The following NLRP7 variants were observed in gnomAD, a reference collection of about 807,000 sequenced individuals.
The protein encoded by NLRP7 is NACHT, LRR and PYD domains-containing protein 7.
A neutral mutation model predicts 85.5 loss-of-function variants in NLRP7; 72 were observed. That is an observed-to-expected ratio of 0.84 (90% CI 0.70 to 1.02). The LOEUF (loss-of-function observed/expected upper bound fraction) is 1.02, where lower values mean the gene tolerates loss of function less well. Ranked by LOEUF, NLRP7 falls within the 50% of genes least tolerant of loss-of-function variation. The probability of loss-of-function intolerance (pLI) is 0.00; values close to 1 mark genes in which losing one functional copy is unlikely to be tolerated. For missense variants in NLRP7, 1,243 were observed against 1,219.5 expected (o/e 1.02, Z -0.29); for synonymous variants, 550 against 505.2 (o/e 1.09, Z -1.19).
chr19:54,931,288 G>A lies in NLRP7; in HGVS notation c.2643-622C>T, dbSNP rs140225789. On this transcript the variant is annotated intron_variant, in intron 8 of 9. Transcript: ENST00000340844. ...AAATACAAAAATCGGGCCGGGCGCG[G>A]TGGCTCAAACCTGTAATCTCAGCAC... Among the ~76,000 whole-genome samples the A allele has an allele frequency of 6.4e-4, 98 of 152,068 alleles. 1 individual carries two copies. The highest frequency in any genetic ancestry group is 5.2e-3 in the Admixed American group (79 of 15,238).
chr19:54,956,974 C>A (rs1475512469), intron 1 of NLRP7, among the ~76,000 whole-genome samples: 1 of 151,562 alleles, frequency 6.6e-6, no homozygotes, highest in Non-Finnish European at 1.5e-5. Flanking sequence ...CCCAGAAGCT[C>A]CAAGTCTCTA....
intron 1 of NLRP7, among the ~76,000 whole-genome samples, chr19:54,953,532 G>C (rs1185200503): frequency 2.0e-5 from 3 of 149,248 alleles, no homozygotes; most frequent in Admixed American, 2.0e-4. Flanking sequence ...CGGGCTGTCT[G>C]CTTGTGGATT....
chr19:54,933,391 C>T (rs887072489), intron 8 of NLRP7, among the ~76,000 whole-genome samples, 178 bp downstream of exon 8: 11 of 152,084 alleles, frequency 7.2e-5, no homozygotes, highest in South Asian at 2.1e-4. Context: ...ATGATCCACC[C>T]GCCTCGGCCT....
At chr19:54,951,189 T>G (rs1012288428), upstream of NLRP7, among the ~76,000 whole-genome samples, 1 of 152,164 alleles carries the variant, frequency 6.6e-6, no homozygotes, top group African/African-American at 2.4e-5. Context: ...TGAAGTCTCC[T>G]GTGTCTACTT....
chr19:54,954,560 C>A (rs1223841268), intron 1 of NLRP7, among the ~76,000 whole-genome samples: 2 of 144,832 alleles, frequency 1.4e-5, no homozygotes, highest in East Asian at 4.3e-4. Flanking sequence ...AAAGGGCAAC[C>A]GAGGCCGGAC....
exon 4 of NLRP7, chr19:54,940,228 G>C: frequency 1.2e-6 from 2 of 1,614,188 alleles, no homozygotes; most frequent in Non-Finnish European, 1.7e-6. Context: ...TGAGGTTGCA[G>C]TCTGTCCAGT....
intron 1 of NLRP7, among the ~76,000 whole-genome samples, chr19:54,946,908 G>A (rs2069500553): frequency 6.6e-6 from 1 of 151,700 alleles, no homozygotes; most frequent in Admixed American, 6.6e-5. Flanking sequence ...CCAAAGTGTT[G>A]GGATAACAGG....
chr19:54,933,628 T>C (rs147433838), exon 8 of NLRP7: 2 of 1,614,184 alleles, frequency 1.2e-6, no homozygotes, highest in South Asian at 1.1e-5. Flanking sequence ...ACTTCACCCC[T>C]GTATCCCCAA....
intron 6 of NLRP7, among the ~76,000 whole-genome samples, chr19:54,935,078 T>C (rs892258134): frequency 6.6e-6 from 1 of 152,158 alleles, no homozygotes; most frequent in African/African-American, 2.4e-5. Flanking sequence ...AACCCTGGCC[T>C]GAATTACTGG....
intron 1 of NLRP7, among the ~76,000 whole-genome samples, chr19:54,958,377 C>A (rs1210064813): frequency 1.3e-5 from 2 of 152,008 alleles, no homozygotes; most frequent in East Asian, 3.9e-4. Context: ...TGCAGTGGCT[C>A]ACGCCTCTAA....
At chr19:54,949,188 G>A (rs1053604857), upstream of NLRP7, among the ~76,000 whole-genome samples, 5 of 151,762 alleles carry the variant, frequency 3.3e-5, no homozygotes, top group African/African-American at 1.2e-4. Context: ...TGAGGCGTAA[G>A]AATTGATTGA....
exon 4 of NLRP7, chr19:54,939,871 C>G: frequency 1.2e-6 from 2 of 1,614,030 alleles, no homozygotes; most frequent in African/African-American, 1.3e-5. Context: ...TTACGTAGAT[C>G]GGCTGCTGCG....
At chr19:54,927,753 G>A (rs1158623590) in intron 9 of NLRP7, 1 of 1,613,992 alleles carries the variant, frequency 6.2e-7, no homozygotes, top group South Asian at 1.1e-5. Flanking sequence ...CAATAGAAAG[G>A]CATGAGGGAG....
In NLRP7 at chr19:54,946,438, C is replaced by T. The variant is rs192898109; in HGVS notation, c.-40+1031G>A. 4.7e-5 allele frequency among the ~76,000 whole-genome samples: 7 copies of T among 149,454 alleles called. No individual in the cohort carries two copies. In the East Asian group the frequency reaches 1.2e-3, roughly 26 times the overall value. On this transcript the variant is annotated intron_variant, in intron 1 of 9. Transcript: ENST00000340844. ...GTTGGTCAGGCTGGTCTCAAACTCC[C>T]GGCCTCAGGTGATCTGAAAGTGCTG...
intron 1 of NLRP7, among the ~76,000 whole-genome samples, chr19:54,945,535 G>A (rs2146248297): frequency 6.6e-6 from 1 of 152,012 alleles, no homozygotes; most frequent in Non-Finnish European, 1.5e-5. Context: ...CTCCCAAAGT[G>A]CTGGGATTAC....
At chr19:54,937,964 A>G in intron 5 of NLRP7, 80 bp downstream of exon 5, 1 of 1,093,014 alleles carries the variant, frequency 9.1e-7, no homozygotes, top group Non-Finnish European at 1.4e-6. Context: ...GAAACAGCAC[A>G]TTTCCAAATT....
At chr19:54,942,428 A>G (rs768937543) in intron 1 of NLRP7, among the ~76,000 whole-genome samples, 9 of 151,902 alleles carry the variant, frequency 5.9e-5, no homozygotes, top group African/African-American at 9.7e-5. Flanking sequence ...TATGCCACAG[A>G]AATCAGCAAA....
chr19:54,965,343 C>T (rs1218646388), intron 1 of NLRP7: 1 of 104,166 alleles, frequency 9.6e-6, no homozygotes, highest in African/African-American at 4.3e-5. Context: ...CTGCAGCCCT[C>T]ATCTCCGCCG....
intron 2 of NLRP7, 149 bp from the exon 3 acceptor site, chr19:54,941,154 G>T: frequency 1.3e-6 from 1 of 753,470 alleles, no homozygotes; most frequent in South Asian, 1.4e-5. Context: ...ACAAGGTCAG[G>T]AGATCAAGAC....
Sources: allele counts gnomAD v4.1 joint callset (sites outside exome capture counted in the v4.1 genomes callset), GRCh38; gene constraint gnomAD v4.1.1; transcripts MANE v1.5; gene names NCBI Gene and HGNC (gene_info 2026-07-23, HGNC 2026-07-21).